Variants in KIF13A observed in about 807,000 individuals in gnomAD.
KIF13A encodes the protein kinesin-like protein KIF13A.
A neutral mutation model predicts 212.2 loss-of-function variants in KIF13A; 79 were observed. The ratio of observed to expected loss-of-function variants is 0.37; its 90% CI spans 0.31 to 0.45. The LOEUF is 0.45. Ranked by LOEUF, KIF13A falls within the 20% of genes least tolerant of loss-of-function variation. The pLI is 1.00. For missense variants in KIF13A, 1,901 were observed against 2,209.0 expected (o/e 0.86, Z 2.79); for synonymous variants, 789 against 808.6 (o/e 0.98, Z 0.41).
intron 2 of KIF13A, among the ~76,000 whole-genome samples, chr6:17,965,123 C>T (rs1016388665): frequency 1.3e-5 from 2 of 152,116 alleles, no homozygotes; most frequent in Admixed American, 6.6e-5. Flanking sequence ...GCCACTGCAC[C>T]GGGCCAGGAT....
intron 3 of KIF13A, among the ~76,000 whole-genome samples, chr6:17,884,634 G>T (rs1465222036): frequency 6.6e-6 from 1 of 152,188 alleles, no homozygotes; most frequent in Non-Finnish European, 1.5e-5. Context: ...ACTTCCTAGC[G>T]CCCAAATCTA....
chr6:17,791,088 A>G (rs564945819), intron 25 of KIF13A, among the ~76,000 whole-genome samples: 337 of 151,940 alleles, frequency 2.2e-3, no homozygotes, highest in Non-Finnish European at 3.5e-3. Flanking sequence ...TTATTTTCAT[A>G]TATACTTCAA....
At chr6:17,784,097 A>G (rs1266578816) in intron 28 of KIF13A, among the ~76,000 whole-genome samples, 1 of 152,206 alleles carries the variant, frequency 6.6e-6, no homozygotes, top group Non-Finnish European at 1.5e-5. Context: ...AGGGTTGTGT[A>G]CAGAAGAGAC....
Position 17,951,476 on chromosome 6 carries a change from T to C in KIF13A, c.146+35578A>G. On this transcript the variant is annotated intron_variant, in intron 2 of 38. Transcript: ENST00000259711. The surrounding 1 kb of genome is among the most constrained non-coding windows in gnomAD (Gnocchi z 4.9). Reference sequence around the variant, plus strand: ...AAACAGCTTTAAGATATAATTTATATACCATACAATTTACCCACTAAAAGT... The same window carrying C: ...AAACAGCTTTAAGATATAATTTATACACCATACAATTTACCCACTAAAAGT... The C allele has an allele frequency of 2.0e-6, 1 of 497,906 alleles. No homozygotes were observed. Among genetic ancestry groups the C allele is most frequent in the Non-Finnish European group, 3.6e-6 (1 of 279,284 alleles). 30.8% of individuals were successfully genotyped at this position (497,906 alleles called of 1,614,324 possible).
chr6:17,840,573 A>C (rs1766412928), intron 9 of KIF13A, among the ~76,000 whole-genome samples: 1 of 152,172 alleles, frequency 6.6e-6, no homozygotes, highest in Admixed American at 6.6e-5. Flanking sequence ...ATGAAAATAC[A>C]TTTTGGAGAT....
chr6:17,818,492 A>T (rs773788427), intron 16 of KIF13A, among the ~76,000 whole-genome samples: 4 of 152,254 alleles, frequency 2.6e-5, no homozygotes, highest in Non-Finnish European at 5.9e-5. Context: ...ATAATTCAAA[A>T]CAAAAAGAAT....
chr6:17,960,169 G>T (rs1376609649), intron 2 of KIF13A, among the ~76,000 whole-genome samples: 3 of 152,066 alleles, frequency 2.0e-5, no homozygotes, highest in Non-Finnish European at 2.9e-5. Flanking sequence ...AATTTTAGGA[G>T]TTAAAAATCT....
Position 17,789,851 on chromosome 6 carries a change from G to A in KIF13A, c.3261+21C>T. 6.2e-7 allele frequency: 1 copy of A among 1,606,858 alleles called. No homozygotes were observed. Among genetic ancestry groups the A allele is most frequent in the Non-Finnish European group, 8.5e-7 (1 of 1,174,088 alleles). ...GCAGTAGCTGTGCCCCATGCCACAG[G>A]ATTGACAGCAGTAGCAATACCTGAT... On this transcript the variant is annotated intron_variant, in intron 26 of 38. Transcript: ENST00000259711. The surrounding 1 kb of genome is among the most constrained non-coding windows in gnomAD (Gnocchi z 4.8).
chr6:17,761,587 T>C (rs138011776), downstream of KIF13A, among the ~76,000 whole-genome samples: 63 of 152,200 alleles, frequency 4.1e-4, 1 homozygote, highest in African/African-American at 1.4e-3. Context: ...TTCTCCATGT[T>C]GGTCAGGCTG....
At position 17,963,984 on chromosome 6, in the gene KIF13A, G is replaced by A. The variant is rs989896467; in HGVS notation, c.146+23070C>T. The stretch of plus-strand genomic sequence containing the variant: ...ATTTACACCTCAGCTAGGCACAATG[G>A]GTCATGCTTGTAATTCCAGCACTTT... On this transcript the variant is annotated intron_variant, in intron 2 of 38. Coordinates refer to ENST00000259711, the MANE Select transcript of KIF13A (RefSeq NM_022113.6). This position sits in a 1 kb window ranked among gnomAD's most constrained non-coding sequence, Gnocchi z 4.1. Among the ~76,000 whole-genome samples the A allele has an allele frequency of 5.9e-5, 9 of 152,226 alleles. No individual in the cohort carries two copies. The highest frequency in any genetic ancestry group is 1.9e-4 in the African/African-American group (8 of 41,508).
Position 17,781,252 on chromosome 6 carries a change from G to A in KIF13A, c.3594C>T (p.Gly1198=), listed in dbSNP as rs761377128. 1.5e-5 allele frequency: 25 copies of A among 1,613,486 alleles called. No individual in the cohort carries two copies. Among genetic ancestry groups the A allele is most frequent in the African/African-American group, 1.1e-4 (8 of 74,862 alleles). Residue 1198 remains glycine, a synonymous_variant, in exon 30 of 39, where the codon GGC becomes GGT. Coordinates refer to ENST00000259711, the MANE Select transcript of KIF13A (RefSeq NM_022113.6). ...NEQLVGPHAS[G]VNSILPKEHG... is the part of the protein sequence containing the mutation. The stretch of plus-strand genomic sequence containing the variant: ...GCTCCTTGGGCAGGATGGAGTTCAC[G>A]CCGGATGCATGGGGGCCAACAAGCT...
rs1762748767 is a variant in KIF13A at position 17,804,367 on chromosome 6, C to T, written c.2448G>A (p.Gln816=). 3 of 1,541,432 alleles carry T rather than the reference C, an allele frequency of 1.9e-6. No homozygotes were observed. The highest frequency in any genetic ancestry group is 2.6e-6 in the Non-Finnish European group (3 of 1,140,760). ...AAGGCTGGCCTGTGCTTACCTCCCC[C>T]TGCTGGCTGATGATAGGGACTGCAT... The part of the protein sequence containing the change: ...LQYAVPIISQ[Q]GEVAGRLHVE... Residue 816 remains glutamine, a synonymous_variant, in exon 20 of 39, where the codon CAG becomes CAA. Transcript: ENST00000259711.
chr6:17,760,912 ATCCCCACC>A (rs1358456134), downstream of KIF13A: 1 of 1,612,162 alleles, frequency 6.2e-7, no homozygotes, highest in Admixed American at 1.7e-5. Context: ...CATGCTTCTC[ATCCCCACC>A]TCCCCACCCC....
Position 17,777,383 on chromosome 6 carries a change from CTTTTT to C in KIF13A, c.4093-34_4093-30del. 1.5e-6 allele frequency: 2 copies of C among 1,319,612 alleles called. No individual in the cohort carries two copies. The highest frequency in any genetic ancestry group is 1.3e-5 in the South Asian group (1 of 76,746). 81.7% of individuals were successfully genotyped at this position (1,319,612 alleles called of 1,614,324 possible). ...TAAACATAATAATTTGAAAATAACACTTTTTTTTTTTTTCCCCAGAGACAGAGTCT... is the reference window on the plus strand; with the variant it reads ...TAAACATAATAATTTGAAAATAACACTTTTTTTTCCCCAGAGACAGAGTCT... On this transcript the variant is annotated intron_variant, in intron 33 of 38. Transcript: ENST00000259711. The surrounding 1 kb of genome is among the most constrained non-coding windows in gnomAD (Gnocchi z 4.4).
At chr6:17,801,242 A>C (rs940980425) in intron 20 of KIF13A, among the ~76,000 whole-genome samples, 2 of 150,800 alleles carry the variant, frequency 1.3e-5, no homozygotes, top group African/African-American at 4.9e-5. Context: ...CTATAATCAC[A>C]GCACTTTGGG....
At chr6:17,978,755 T>C (rs1259072115) in intron 2 of KIF13A, among the ~76,000 whole-genome samples, 1 of 152,238 alleles carries the variant, frequency 6.6e-6, no homozygotes. Context: ...GTAAATTTTC[T>C]TAAAAATATG....
At chr6:17,813,145 G>A (rs112418825) in intron 17 of KIF13A, among the ~76,000 whole-genome samples, 5 of 152,300 alleles carry the variant, frequency 3.3e-5, no homozygotes, top group African/African-American at 7.2e-5. Flanking sequence ...AGGACCATCT[G>A]ATAACTTTTG....
chr6:17,808,977 C>T lies in KIF13A; in HGVS notation c.2001-47G>A, dbSNP rs780395961. ...AACGAGAAAATCTAAAGGAAAACTG[C>T]AATCCCGTTTCTAAGTGAGCATCTT... On this transcript the variant is annotated intron_variant, in intron 17 of 38. Coordinates refer to ENST00000259711, the MANE Select transcript of KIF13A (RefSeq NM_022113.6). 8.7e-6 allele frequency: 13 copies of T among 1,488,136 alleles called. No individual in the cohort carries two copies. In the Admixed American group the frequency reaches 3.1e-4, roughly 36 times the overall value. 92.2% of individuals were successfully genotyped at this position (1,488,136 alleles called of 1,614,324 possible). A position where few individuals can be genotyped will look rare whatever the true frequency, so the allele number is the denominator to read the frequency against.
chr6:17,957,661 T>C (rs1778451644), intron 2 of KIF13A, among the ~76,000 whole-genome samples: 1 of 152,164 alleles, frequency 6.6e-6, no homozygotes, highest in African/African-American at 2.4e-5. Flanking sequence ...ACACTATCTC[T>C]GAGTAGACAC....
Sources: gnomAD v4.1 joint callset for allele counts (sites outside exome capture counted in the v4.1 genomes callset) on GRCh38, gnomAD v4.1.1 for gene constraint, Gnocchi (gnomAD v3.1) non-coding constraint, MANE v1.5 for transcripts, NCBI Gene and HGNC (gene_info 2026-07-23, HGNC 2026-07-21) for gene names.